The following MTMR6 variants were observed in gnomAD, a reference collection of about 807,000 sequenced individuals.
MTMR6 encodes the protein phosphatidylinositol-3,5-bisphosphate 3-phosphatase MTMR6.
Under a neutral mutation model 80.1 loss-of-function variants are expected in MTMR6, and 47 were observed. The observed-to-expected ratio is 0.59, with a 90% CI of 0.46 to 0.75. The LOEUF (loss-of-function observed/expected upper bound fraction) is 0.75. Ranked by LOEUF, MTMR6 falls within the 30% of genes least tolerant of loss-of-function variation. MTMR6 has a pLI of 0.00. For synonymous variants in MTMR6, 254 were observed against 253.0 expected, an observed-to-expected ratio of 1.00 and a Z score of -0.04; for missense variants, 629 against 730.9, an observed-to-expected ratio of 0.86 and a Z score of 1.61.
chr13:25,275,733 C>T (rs900397306), intron 1 of MTMR6, among the ~76,000 whole-genome samples: 5 of 150,944 alleles, frequency 3.3e-5, no homozygotes, highest in East Asian at 2.0e-4. Context: ...TAGTGGCGGG[C>T]GCCTATAATC....
At chr13:25,266,389 A>G (rs1566039646) in intron 3 of MTMR6, 103 bp from the exon 4 acceptor site, 7 of 998,872 alleles carry the variant, frequency 7.0e-6, no homozygotes, top group South Asian at 1.7e-5. Context: ...TCTCTTTACA[A>G]TCTTCAAAGA....
intron 9 of MTMR6, among the ~76,000 whole-genome samples, chr13:25,255,520 G>T (rs1416145487): frequency 2.0e-5 from 3 of 151,918 alleles, no homozygotes; most frequent in Non-Finnish European, 4.4e-5. Context: ...AATTCTTCCT[G>T]ACTCTACTTT....
chr13:25,262,828 C>A (rs1415580732), intron 5 of MTMR6, among the ~76,000 whole-genome samples: 1 of 152,138 alleles, frequency 6.6e-6, no homozygotes, highest in Admixed American at 6.5e-5. Context: ...ATGAACATTG[C>A]CTTATTAAAT....
rs57802289 is a variant in MTMR6, at chr13:25,261,180, G to A, written c.726+488C>T. ...AAAAATTAGCCAGGCATGGTGGTAC[G>A]TGCCTGTAATACCAGCTACTCAGGA... On this transcript the variant is annotated intron_variant, in intron 6 of 13. Transcript: ENST00000381801. Among the ~76,000 whole-genome samples the A allele has an allele frequency of 5.1e-3, 767 of 151,228 alleles. 14 individuals carry two copies. Among genetic ancestry groups the A allele is most frequent in the East Asian group, 0.034 (175 of 5,134 alleles).
In MTMR6 at chr13:25,274,058, C is replaced by T. The variant is rs377593000; in HGVS notation, c.141+13G>A. On this transcript the variant is annotated intron_variant, in intron 2 of 13. Coordinates refer to ENST00000381801, the MANE Select transcript of MTMR6 (RefSeq NM_004685.5). ...ATTATTATGATAAATAGTACAGCTGCGGTCCTCCTTACCCAGGTTTCTTTT... is the reference window on the plus strand; with the variant it reads ...ATTATTATGATAAATAGTACAGCTGTGGTCCTCCTTACCCAGGTTTCTTTT... 147 of 1,422,950 alleles carry T rather than the reference C, an allele frequency of 1.0e-4. 1 individual carries two copies. The highest frequency in any genetic ancestry group is 2.1e-4 in the Admixed American group (12 of 55,964). 88.1% of individuals were successfully genotyped at this position (1,422,950 alleles called of 1,614,324 possible).
At chr13:25,258,086 A>G (rs560274147) in intron 7 of MTMR6, among the ~76,000 whole-genome samples, 5 of 152,350 alleles carry the variant, frequency 3.3e-5, no homozygotes, top group Non-Finnish European at 7.3e-5. Context: ...GCATCTAACT[A>G]AAAATAATCT....
intron 6 of MTMR6, among the ~76,000 whole-genome samples, chr13:25,259,082 T>C (rs1008649541): frequency 1.3e-5 from 2 of 152,326 alleles, no homozygotes; most frequent in African/African-American, 4.8e-5. Context: ...AATGAACCTA[T>C]GAGTTTACTT....
chr13:25,270,969 TG>T (rs1217885449), intron 2 of MTMR6, among the ~76,000 whole-genome samples: 2 of 152,162 alleles, frequency 1.3e-5, no homozygotes, highest in Admixed American at 6.5e-5. Context: ...TACGCACAGA[TG>T]TTTTTCATAT....
Position 25,274,163 on chromosome 13 carries a change from G to A in MTMR6, c.49C>T (p.Arg17Ter), listed in dbSNP as rs758304228. ...TKVEQVKLLD[R>*]FSTSNKSLTG... ...AATGACTTGTTGCTGGTACTGAATC[G>A]GTCAAGTAATTTTACTTGTTCGACC... Residue 17 changes from arginine to a stop codon, truncating the protein, a stop_gained, in exon 2 of 14, where the codon CGA (arginine) becomes TGA (stop). Transcript: ENST00000381801. LOFTEE classifies it high-confidence loss of function. 3.7e-6 allele frequency: 6 copies of A among 1,607,632 alleles called. No homozygotes were observed. Among genetic ancestry groups the A allele is most frequent in the African/African-American group, 1.3e-5 (1 of 74,596 alleles).
At chr13:25,269,162 G>C (rs756731764) in intron 2 of MTMR6, among the ~76,000 whole-genome samples, 79 of 152,118 alleles carry the variant, frequency 5.2e-4, no homozygotes, top group Non-Finnish European at 9.6e-4. Flanking sequence ...GCATGGTGCA[G>C]AGTTGATCAA....
chr13:25,283,177 T>G lies in MTMR6; in HGVS notation c.24+4047A>C, dbSNP rs192114696. Among the ~76,000 whole-genome samples the G allele has an allele frequency of 1.3e-3, 200 of 152,228 alleles. 1 individual carries two copies. The highest frequency in any genetic ancestry group is 3.1e-3 in the Admixed American group (47 of 15,298). On this transcript the variant is annotated intron_variant, in intron 1 of 13. Transcript: ENST00000381801. ...CCAACTGACTAATCAAATCTCTTGA[T>G]TAGATTATTATTCTGTGAGGCAAGA...
chr13:25,251,291 G>C lies in MTMR6; in HGVS notation c.1605+358C>G, dbSNP rs1190550153. Among the ~76,000 whole-genome samples, 3 of 152,148 alleles carry C rather than the reference G, an allele frequency of 2.0e-5. No individual in the cohort carries two copies. Among genetic ancestry groups the C allele is most frequent in the African/African-American group, 4.8e-5 (2 of 41,422 alleles). ...CCGCCTCGGCCTCCCAAAGTGCTGG[G>C]ATTACAGGCGTGAGCCACTGCGCCC... On this transcript the variant is annotated intron_variant, in intron 13 of 13. Coordinates refer to ENST00000381801, the MANE Select transcript of MTMR6 (RefSeq NM_004685.5). This position sits in a 1 kb window ranked among gnomAD's most constrained non-coding sequence, Gnocchi z 4.1.
chr13:25,285,392 C>T (rs1171459707), intron 1 of MTMR6, among the ~76,000 whole-genome samples: 2 of 103,142 alleles, frequency 1.9e-5, no homozygotes, highest in Non-Finnish European at 4.3e-5. Context: ...CTTTTCCGCC[C>T]CCCCCCCCCC....
chr13:25,252,040 G>A (rs1957100992), intron 11 of MTMR6, 56 bp from the exon 12 acceptor site: 2 of 1,538,860 alleles, frequency 1.3e-6, no homozygotes, highest in African/African-American at 1.4e-5. Flanking sequence ...AGTAGTAATG[G>A]TAATATTCAT....
chr13:25,253,970 C>G lies in MTMR6; in HGVS notation c.1146-6G>C. 6.2e-7 allele frequency: 1 copy of G among 1,613,902 alleles called. No homozygotes were observed. The highest frequency in any genetic ancestry group is 8.5e-7 in the Non-Finnish European group (1 of 1,179,830). Reference sequence around the variant, plus strand: ...CACCATCCAACTGGCCACACCTAACCCCACAGAAAGTATAAGCTTTTAAAA... The same window carrying G: ...CACCATCCAACTGGCCACACCTAACGCCACAGAAAGTATAAGCTTTTAAAA... On this transcript the variant is annotated splice_polypyrimidine_tract_variant and splice_region_variant and intron_variant, in intron 10 of 13. Transcript: ENST00000381801.
At chr13:25,272,939 A>G (rs1040826402) in intron 2 of MTMR6, among the ~76,000 whole-genome samples, 6 of 152,126 alleles carry the variant, frequency 3.9e-5, no homozygotes, top group Non-Finnish European at 7.4e-5. Flanking sequence ...TCCTTTGAGT[A>G]TATATCCAGT....
intron 1 of MTMR6, among the ~76,000 whole-genome samples, chr13:25,285,388 C>T (rs1007874094): frequency 1.1e-5 from 1 of 91,736 alleles, no homozygotes; most frequent in South Asian, 4.1e-4. Flanking sequence ...TATTCTTTTC[C>T]GCCCCCCCCC....
chr13:25,261,812 A>C lies in MTMR6; in HGVS notation c.592-10T>G. 1.9e-6 allele frequency: 3 copies of C among 1,606,526 alleles called. No homozygotes were observed. The highest frequency in any genetic ancestry group is 2.2e-5 in the South Asian group (2 of 89,912). On this transcript the variant is annotated splice_polypyrimidine_tract_variant and intron_variant, in intron 5 of 13. Coordinates refer to ENST00000381801, the MANE Select transcript of MTMR6 (RefSeq NM_004685.5). ...ATCGACAAATGGCAGCCTATTTTTT[A>C]AAGGACAGAAAAGAGATTATGCAAA...
Position 25,249,067 on chromosome 13 carries a change from A to T in MTMR6, c.*165T>A. The T allele has an allele frequency of 1.5e-6, 1 of 660,964 alleles. No homozygotes were observed. Among genetic ancestry groups the T allele is most frequent in the Non-Finnish European group, 2.5e-6 (1 of 403,184 alleles). The allele number at this position is 660,964 out of a possible 1,614,324, so 40.9% of individuals were successfully genotyped here. ...CCTTGCTGGAAATGCAATTAAAATG[A>T]CTTATTTCTCTCACAAGGGTAGTTA... is the stretch of plus-strand genomic sequence containing the variant. On this transcript the variant is annotated 3_prime_UTR_variant, in exon 14 of 14. Coordinates refer to ENST00000381801, the MANE Select transcript of MTMR6 (RefSeq NM_004685.5).
Sources: allele counts gnomAD v4.1 joint callset (sites outside exome capture counted in the v4.1 genomes callset), GRCh38; gene constraint gnomAD v4.1.1; non-coding constraint Gnocchi (gnomAD v3.1); transcripts MANE v1.5; gene names NCBI Gene and HGNC (gene_info 2026-07-23, HGNC 2026-07-21).